The following NRCAM variants were observed in gnomAD, a reference collection of about 807,000 sequenced individuals.
NRCAM encodes the protein NgCAM-related cell adhesion molecule.
NRCAM carries 83 observed loss-of-function variants against 156.5 expected under a neutral mutation model. The observed-to-expected ratio is 0.53, with a 90% CI of 0.44 to 0.64. The LOEUF (loss-of-function observed/expected upper bound fraction) is 0.64. Among genes scored for constraint, NRCAM ranks in the 30% least tolerant of loss-of-function variants. The pLI, the probability that NRCAM is intolerant of heterozygous loss-of-function variation, is 0.00. For synonymous variants in NRCAM, 538 were observed against 563.9 expected, an observed-to-expected ratio of 0.95 and a Z score of 0.65; for missense variants, 1,417 against 1,597.3, an observed-to-expected ratio of 0.89 and a Z score of 1.92.
rs565599173 is a variant in NRCAM, at chr7:108,217,089, A to G, written c.890+6636T>C. Among the ~76,000 whole-genome samples, 28 of 152,250 alleles carry G rather than the reference A, an allele frequency of 1.8e-4. No homozygotes were observed. The South Asian group carries it at 2.7e-3, about 15-fold the overall frequency. On this transcript the variant is annotated intron_variant, in intron 11 of 32. Transcript: ENST00000379028. ...GGTCTTTGATGTTGGTGACCCCTTC[A>G]TATGGGTTTTTTGTGTGGACGCCCT...
At position 108,172,135 on chromosome 7, in the gene NRCAM, G is replaced by A. The variant is rs573292867; in HGVS notation, c.3187+3187C>T. ...TATTTTGATGCTTGGTCCTCAGAGC[G>A]CCAGATTACATGCAATGGATATGGC... On this transcript the variant is annotated intron_variant, in intron 28 of 32. Coordinates refer to ENST00000379028, the MANE Select transcript of NRCAM (RefSeq NM_001037132.4). Among the ~76,000 whole-genome samples the A allele has an allele frequency of 5.3e-5, 8 of 152,218 alleles. No individual in the cohort carries two copies. In the South Asian group the frequency reaches 8.3e-4, roughly 16 times the overall value.
At chr7:108,342,048 C>T (rs957019972) in intron 2 of NRCAM, among the ~76,000 whole-genome samples, 84 of 152,208 alleles carry the variant, frequency 5.5e-4, no homozygotes, top group African/African-American at 1.9e-3. Context: ...TCGAACCCAA[C>T]GTCTCAACTC....
At chr7:108,195,996 C>T in intron 14 of NRCAM, 124 bp from the exon 15 acceptor site, 1 of 679,032 alleles carries the variant, frequency 1.5e-6, no homozygotes, top group Non-Finnish European at 2.6e-6. Flanking sequence ...TATCTCTCTC[C>T]TTATGTTCTC....
chr7:108,394,868 C>G (rs548225756), intron 2 of NRCAM, among the ~76,000 whole-genome samples: 26 of 152,096 alleles, frequency 1.7e-4, no homozygotes, highest in African/African-American at 6.3e-4. Context: ...TGGTTCTTGC[C>G]TAAAACAAAT....
At chr7:108,355,010 C>T (rs1436552328) in intron 2 of NRCAM, among the ~76,000 whole-genome samples, 1 of 151,900 alleles carries the variant, frequency 6.6e-6, no homozygotes, top group Non-Finnish European at 1.5e-5. Context: ...GATGCGCAAA[C>T]CTATTGTGTA....
intron 2 of NRCAM, among the ~76,000 whole-genome samples, chr7:108,366,096 A>G (rs984047676): frequency 4.6e-5 from 7 of 152,208 alleles, no homozygotes; most frequent in African/African-American, 1.7e-4. Context: ...ACAGGGTTCA[A>G]GGTGCCATCT....
chr7:108,436,339 ATG>A (rs958346259), intron 1 of NRCAM, among the ~76,000 whole-genome samples: 12 of 152,262 alleles, frequency 7.9e-5, no homozygotes, highest in Middle Eastern at 3.4e-3. Context: ...TGTGACATAA[ATG>A]AGAGAATTTT....
chr7:108,165,669 T>G (rs1238267826), intron 30 of NRCAM, among the ~76,000 whole-genome samples: 4 of 152,246 alleles, frequency 2.6e-5, no homozygotes, highest in Admixed American at 2.6e-4. Context: ...GTGGTTTTCT[T>G]AAAACATTAT....
chr7:108,178,126 C>G lies in NRCAM; in HGVS notation c.2852-14G>C, dbSNP rs1306384077. 13 of 1,607,180 alleles carry G rather than the reference C, an allele frequency of 8.1e-6. No homozygotes were observed. Among genetic ancestry groups the G allele is most frequent in the Non-Finnish European group, 1.0e-5 (12 of 1,176,706 alleles). ...GAGCACTGGGGACTTACAGTGAGAA[C>G]TTACAGTCAACACAAAGATTTCTGA... On this transcript the variant is annotated splice_polypyrimidine_tract_variant and intron_variant, in intron 25 of 32. Transcript: ENST00000379028.
chr7:108,421,869 C>T (rs545722596), intron 1 of NRCAM, among the ~76,000 whole-genome samples: 12 of 152,196 alleles, frequency 7.9e-5, no homozygotes, highest in Admixed American at 7.9e-4. Flanking sequence ...TCTGACCTGC[C>T]CTGTGGAGAT....
intron 3 of NRCAM, among the ~76,000 whole-genome samples, chr7:108,296,853 C>G (rs1334574380): frequency 6.6e-6 from 1 of 152,100 alleles, no homozygotes; most frequent in Non-Finnish European, 1.5e-5. Context: ...GAATCCTTCT[C>G]CCCAAATAAT....
intron 32 of NRCAM, chr7:108,150,803 G>GT (rs753431927): frequency 7.1e-5 from 33 of 465,780 alleles, no homozygotes; most frequent in African/African-American, 2.5e-4. Flanking sequence ...GTATTTTTTT[G>GT]TTTTTTTGGT....
At chr7:108,455,886 G>C (rs1856749497) in intron 1 of NRCAM, among the ~76,000 whole-genome samples, 1 of 152,188 alleles carries the variant, frequency 6.6e-6, no homozygotes, top group Admixed American at 6.5e-5. Context: ...CCACGAGCAA[G>C]AGCTCTGGGC....
intron 2 of NRCAM, among the ~76,000 whole-genome samples, chr7:108,323,357 A>G (rs2099024945): frequency 1.3e-5 from 2 of 152,054 alleles, no homozygotes; most frequent in African/African-American, 4.8e-5. Flanking sequence ...CTCCATTGCA[A>G]TTCCCAGCAT....
Position 108,345,902 on chromosome 7 carries a change from T to C in NRCAM, c.-173-33171A>G, listed in dbSNP as rs554306485. On this transcript the variant is annotated intron_variant, in intron 2 of 32. Coordinates refer to ENST00000379028, the MANE Select transcript of NRCAM (RefSeq NM_001037132.4). Reference sequence around the variant, plus strand: ...GCAGGCCTAGAACAATGGGTGTCTGTGGGGGAGCCCAGGAGTCGATGGCAG... The same window carrying C: ...GCAGGCCTAGAACAATGGGTGTCTGCGGGGGAGCCCAGGAGTCGATGGCAG... Among the ~76,000 whole-genome samples, 17 of 152,270 alleles carry C rather than the reference T, an allele frequency of 1.1e-4. No individual in the cohort carries two copies. In the East Asian group the frequency reaches 2.5e-3, roughly 22 times the overall value.
Position 108,149,748 on chromosome 7 carries a change from T to C in NRCAM, c.*162A>G, listed in dbSNP as rs147212685. ...TTGCATTCCAGTTCATATTAACATA[T>C]CATTTGACTGAGTTATGTTTTTGCT... On this transcript the variant is annotated 3_prime_UTR_variant, in exon 33 of 33. Transcript: ENST00000379028. 11 of 645,098 alleles carry C rather than the reference T, an allele frequency of 1.7e-5. No homozygotes were observed. Among genetic ancestry groups the C allele is most frequent in the East Asian group, 8.0e-5 (3 of 37,668 alleles). The allele number at this position is 645,098 out of a possible 1,614,324, so 40.0% of individuals were successfully genotyped here. A position where few individuals can be genotyped will look rare whatever the true frequency, so the allele number is the denominator to read the frequency against.
At chr7:108,150,977 C>T (rs975822799) in intron 32 of NRCAM, among the ~76,000 whole-genome samples, 2 of 152,134 alleles carry the variant, frequency 1.3e-5, no homozygotes, top group African/African-American at 2.4e-5. Flanking sequence ...TGTTAACCCC[C>T]CAGCTCCCTT....
At chr7:108,243,842 A>C (rs1183484442) in intron 3 of NRCAM, among the ~76,000 whole-genome samples, 1 of 152,226 alleles carries the variant, frequency 6.6e-6, no homozygotes, top group African/African-American at 2.4e-5. Flanking sequence ...CCTGTGAAAC[A>C]GAAGGGGGAA....
Position 108,269,293 on chromosome 7 carries a change from G to T in NRCAM, c.-106-29123C>A, listed in dbSNP as rs563022037. Among the ~76,000 whole-genome samples, 4 of 152,256 alleles carry T rather than the reference G, an allele frequency of 2.6e-5. No individual in the cohort carries two copies. In the South Asian group the frequency reaches 8.3e-4, roughly 32 times the overall value. Reference sequence around the variant, plus strand: ...TCCCTTTTGTCTCAGGTTTCAACAGGACTTGGCAAGGAGTTGCTTTAGACT... The same window carrying T: ...TCCCTTTTGTCTCAGGTTTCAACAGTACTTGGCAAGGAGTTGCTTTAGACT... On this transcript the variant is annotated intron_variant, in intron 3 of 32. Coordinates refer to ENST00000379028, the MANE Select transcript of NRCAM (RefSeq NM_001037132.4).
Sources: gnomAD v4.1 joint callset for allele counts (sites outside exome capture counted in the v4.1 genomes callset) on GRCh38, gnomAD v4.1.1 for gene constraint, MANE v1.5 for transcripts, NCBI Gene and HGNC (gene_info 2026-07-23, HGNC 2026-07-21) for gene names.